The following JAG1 variants were observed in gnomAD, a reference collection of about 807,000 sequenced individuals.
JAG1 encodes jagged canonical Notch ligand 1, also known as protein jagged-1.
Under a neutral mutation model 148.7 loss-of-function variants are expected in JAG1, and 23 were observed. The observed-to-expected ratio is 0.15, with a 90% CI of 0.11 to 0.22. The LOEUF is 0.22. JAG1 is among the 10% of genes least tolerant of loss of function. The pLI, the probability that JAG1 is intolerant of heterozygous loss-of-function variation, is 1.00. For synonymous variants in JAG1, 572 were observed against 598.3 expected (o/e 0.96, Z 0.64); for missense variants, 1,054 against 1,611.2 (o/e 0.65, Z 5.92).
At position 10,673,479 on chromosome 20, in the gene JAG1, G is replaced by A. The variant is rs1333175594; in HGVS notation, c.52C>T (p.Leu18Phe). 2 of 1,366,240 alleles carry A rather than the reference G, an allele frequency of 1.5e-6. No homozygotes were observed. The highest frequency in any genetic ancestry group is 6.7e-5 in the Admixed American group (2 of 29,634). The allele number at this position is 1,366,240 out of a possible 1,614,324, so 84.6% of individuals were successfully genotyped here. A position where few individuals can be genotyped will look rare whatever the true frequency, so the allele number is the denominator to read the frequency against. The change falls in exon 1 of 26, where the codon CTC becomes TTC. Residue 18 changes from leucine (L) to phenylalanine (F), a missense_variant. This residue lies in a region of JAG1 where 151 missense variants were observed against 211.1 expected (regional missense o/e 0.72). Transcript: ENST00000254958. The surrounding 1 kb of genome is among the most constrained non-coding windows in gnomAD (Gnocchi z 4.7). ...GRSGRPLSLL[L>F]ALLCALRAKV... ...GCTCGCAGGGCACAGAGCAGGGCGA[G>A]CAGGAGGCTTAGGGGGCGCCCGGAC...
chr20:10,650,512 G>A (rs1020682860), intron 8 of JAG1, 152 bp from the exon 9 acceptor site: 5 of 654,336 alleles, frequency 7.6e-6, no homozygotes, highest in African/African-American at 1.8e-5. Context: ...GGACGGTGAC[G>A]ATAAGGCCGA....
chr20:10,667,190 G>A (rs2067460175), intron 2 of JAG1, among the ~76,000 whole-genome samples: 1 of 152,162 alleles, frequency 6.6e-6, no homozygotes, highest in Admixed American at 6.5e-5. Flanking sequence ...AACGGCACGC[G>A]TGCGGCGTCC....
intron 5 of JAG1, among the ~76,000 whole-genome samples, chr20:10,653,441 G>T (rs1024024766): frequency 6.6e-6 from 1 of 150,716 alleles, no homozygotes; most frequent in South Asian, 2.1e-4. Flanking sequence ...GGGTGGGAGA[G>T]GGGGCAGCGT....
intron 2 of JAG1, among the ~76,000 whole-genome samples, 160 bp downstream of exon 2, chr20:10,672,541 A>G (rs2067503589): frequency 6.6e-6 from 1 of 152,134 alleles, no homozygotes; most frequent in Admixed American, 6.5e-5. Flanking sequence ...AGATCTAACT[A>G]TAGTGTCCCG....
rs1221870964 is a variant in JAG1, at chr20:10,647,869, T to A, written c.1720+91A>T. 11 of 1,371,968 alleles carry A rather than the reference T, an allele frequency of 8.0e-6. No individual in the cohort carries two copies. The African/African-American group carries it at 1.6e-4, about 20-fold the overall frequency. 85.0% of individuals were successfully genotyped at this position (1,371,968 alleles called of 1,614,324 possible). ...ATAGAGGTCCTCCTCACCAATACAT[T>A]ACTTCTCAAGTGTAACAAGGGGCAG... On this transcript the variant is annotated intron_variant, in intron 13 of 25. Coordinates refer to ENST00000254958, the MANE Select transcript of JAG1 (RefSeq NM_000214.3).
rs751836991 is a variant in JAG1 at position 10,639,837 on chromosome 20, G to A, written c.3318C>T (p.Ala1106=). ...CGTTGTTGGTGGTGTTGTCCTCAGA[G>A]GCTGAGTGTGTGTGGCTGCCCGGCT... ...RRKPGSHTHS[A]SEDNTTNNVR... is the part of the protein sequence containing the mutation. Residue 1106 remains alanine (A), a synonymous_variant, in exon 26 of 26, where the codon GCC becomes GCT. Transcript: ENST00000254958. The A allele has an allele frequency of 6.2e-7, 1 of 1,614,196 alleles. No homozygotes were observed. Among genetic ancestry groups the A allele is most frequent in the South Asian group, 1.1e-5 (1 of 91,082 alleles).
intron 14 of JAG1, chr20:10,646,337 C>T (rs1600182292): frequency 4.0e-6 from 2 of 496,386 alleles, no homozygotes; most frequent in African/African-American, 1.9e-5. Flanking sequence ...GGAAGAAACT[C>T]CTACAGAAAA....
intron 13 of JAG1, among the ~76,000 whole-genome samples, chr20:10,647,670 T>G (rs912151633): frequency 2.0e-5 from 3 of 152,226 alleles, no homozygotes; most frequent in Non-Finnish European, 4.4e-5. Context: ...TTGACAGTGT[T>G]GTTCTCAGGC....
intron 14 of JAG1, 114 bp downstream of exon 14, chr20:10,646,825 C>CAAAAA: frequency 5.6e-6 from 5 of 887,608 alleles, no homozygotes; most frequent in Non-Finnish European, 7.0e-6. Context: ...AATTCGGTCT[C>CAAAAA]AAAAAAAAAA....
chr20:10,640,122 A>G (rs1600177968), intron 25 of JAG1, among the ~76,000 whole-genome samples, 167 bp from the exon 26 acceptor site: 1 of 152,228 alleles, frequency 6.6e-6, no homozygotes, highest in Non-Finnish European at 1.5e-5. Context: ...TCACAACTTG[A>G]TAAGCAAATG....
At chr20:10,667,274 C>T (rs530256201) in intron 2 of JAG1, among the ~76,000 whole-genome samples, 68 of 152,360 alleles carry the variant, frequency 4.5e-4, no homozygotes, top group African/African-American at 1.6e-3. Flanking sequence ...CGTGCCAACG[C>T]GGCCATTGTG....
At chr20:10,648,415 C>G in intron 12 of JAG1, 134 bp downstream of exon 12, 1 of 799,444 alleles carries the variant, frequency 1.3e-6, no homozygotes, top group Non-Finnish European at 2.2e-6. Context: ...CTAGCAGAGA[C>G]TCTCTCATCA....
chr20:10,659,363 T>C (rs1462427122), intron 3 of JAG1, among the ~76,000 whole-genome samples: 1 of 152,204 alleles, frequency 6.6e-6, no homozygotes, highest in African/African-American at 2.4e-5. Context: ...TTCTATTACA[T>C]TGCCATACTG....
Position 10,641,106 on chromosome 20 carries a change from T to C in JAG1, c.3048+7A>G, listed in dbSNP as rs1277394631. 1 of 1,614,014 alleles carries C rather than the reference T, an allele frequency of 6.2e-7. No individual in the cohort carries two copies. The highest frequency in any genetic ancestry group is 8.5e-7 in the Non-Finnish European group (1 of 1,180,046). ...AATAATGAGGTGTGAATGGGTCTTA[T>C]ACTTACAATGGCCACATGTATTTCA... On this transcript the variant is annotated splice_region_variant and intron_variant, in intron 24 of 25. Coordinates refer to ENST00000254958, the MANE Select transcript of JAG1 (RefSeq NM_000214.3).
At chr20:10,670,601 T>A (rs1382042379) in intron 2 of JAG1, among the ~76,000 whole-genome samples, 1 of 152,202 alleles carries the variant, frequency 6.6e-6, no homozygotes. Context: ...TCCAACCACA[T>A]ACAGAAAAAC....
intron 2 of JAG1, among the ~76,000 whole-genome samples, chr20:10,666,286 A>G (rs952744655): frequency 3.2e-4 from 48 of 152,170 alleles, no homozygotes; most frequent in African/African-American, 1.1e-3. Context: ...GTTGCTAGAG[A>G]ACTTTAATTT....
In JAG1 at chr20:10,673,266, C is replaced by G. The variant is rs984816197; in HGVS notation, c.81+184G>C. ...CCCTGTCCGGCCTGGAGGGGTCACCCTCAGGAGGCAGGGGCTCCCGTGGGG... is the reference window on the plus strand; with the variant it reads ...CCCTGTCCGGCCTGGAGGGGTCACCGTCAGGAGGCAGGGGCTCCCGTGGGG... On this transcript the variant is annotated intron_variant, in intron 1 of 25. Transcript: ENST00000254958. This position sits in a 1 kb window ranked among gnomAD's most constrained non-coding sequence, Gnocchi z 4.7. 6.2e-4 allele frequency among the ~76,000 whole-genome samples: 94 copies of G among 152,268 alleles called. No individual in the cohort carries two copies. The highest frequency in any genetic ancestry group is 1.1e-3 in the Admixed American group (17 of 15,308).
At chr20:10,666,773 G>A (rs1305523573) in intron 2 of JAG1, among the ~76,000 whole-genome samples, 2 of 152,328 alleles carry the variant, frequency 1.3e-5, no homozygotes, top group East Asian at 3.9e-4. Context: ...TCCCATTCTG[G>A]TGTGGCATCA....
At chr20:10,660,365 GGAAT>G in intron 3 of JAG1, among the ~76,000 whole-genome samples, 1 of 152,300 alleles carries the variant, frequency 6.6e-6, no homozygotes, top group Non-Finnish European at 1.5e-5. Context: ...CAGAGGCCAA[GGAAT>G]GACAAAAATG....
Sources: gnomAD v4.1 joint callset for allele counts (sites outside exome capture counted in the v4.1 genomes callset) on GRCh38, gnomAD v4.1.1 for gene constraint, gnomAD v4.1.1 regional missense constraint, Gnocchi (gnomAD v3.1) non-coding constraint, MANE v1.5 for transcripts, NCBI Gene and HGNC (gene_info 2026-07-23, HGNC 2026-07-21) for gene names.